Variants in PPFIBP2 observed in about 807,000 individuals in gnomAD.
PPFIBP2 encodes liprin-beta-2.
Under a neutral mutation model 118.3 loss-of-function variants are expected in PPFIBP2, and 118 were observed. The ratio of observed to expected loss-of-function variants is 1.00; its 90% CI spans 0.86 to 1.16. The LOEUF (loss-of-function observed/expected upper bound fraction) is 1.16. PPFIBP2 is among the 50% of genes most tolerant of loss of function. The pLI is 0.00. For synonymous variants in PPFIBP2, 414 were observed against 397.4 expected, an observed-to-expected ratio of 1.04 and a Z score of -0.50; for missense variants, 1,195 against 1,073.1, an observed-to-expected ratio of 1.11 and a Z score of -1.59.
At chr11:7,526,894 C>T (rs1407066065) in intron 1 of PPFIBP2, among the ~76,000 whole-genome samples, 1 of 152,026 alleles carries the variant, frequency 6.6e-6, no homozygotes, top group Non-Finnish European at 1.5e-5. Flanking sequence ...TTGCTGATGC[C>T]TACCTTGGCC....
At chr11:7,551,294 G>A (rs140406152) in intron 2 of PPFIBP2, among the ~76,000 whole-genome samples, 15 of 152,278 alleles carry the variant, frequency 9.9e-5, no homozygotes, top group Admixed American at 8.5e-4. Flanking sequence ...CAGCCAAAGA[G>A]CAAAGGGGAG....
chr11:7,578,020 G>C (rs144058578), intron 3 of PPFIBP2, among the ~76,000 whole-genome samples: 1 of 152,176 alleles, frequency 6.6e-6, no homozygotes, highest in Admixed American at 6.5e-5. Context: ...CATTGGATTC[G>C]GAAGTTGTTT....
chr11:7,612,630 T>A (rs539196895), intron 6 of PPFIBP2, among the ~76,000 whole-genome samples: 1 of 152,218 alleles, frequency 6.6e-6, no homozygotes, highest in Admixed American at 6.5e-5. Flanking sequence ...TTTTCATCAG[T>A]CTGTTCATAC....
At chr11:7,556,324 G>T (rs547817164) in intron 2 of PPFIBP2, among the ~76,000 whole-genome samples, 2 of 152,048 alleles carry the variant, frequency 1.3e-5, no homozygotes, top group Non-Finnish European at 2.9e-5. Context: ...GTGTGGTGGC[G>T]GGCACTTGTA....
intron 2 of PPFIBP2, among the ~76,000 whole-genome samples, chr11:7,560,990 G>A (rs1472553735): frequency 6.6e-6 from 1 of 152,134 alleles, no homozygotes; most frequent in Non-Finnish European, 1.5e-5. Context: ...GTGGCTTGGG[G>A]ACTTTTTCTT....
chr11:7,642,184 A>C (rs1423684147), intron 16 of PPFIBP2, 114 bp from the exon 17 acceptor site: 3 of 1,237,298 alleles, frequency 2.4e-6, no homozygotes, highest in Non-Finnish European at 3.4e-6. Flanking sequence ...ACGGAGAAGC[A>C]GTGCTGCCGA....
chr11:7,573,807 A>T (rs573672992), intron 3 of PPFIBP2: 1 of 152,346 alleles, frequency 6.6e-6, no homozygotes, highest in East Asian at 1.9e-4. Flanking sequence ...GGCAGCTGCC[A>T]CCTATGGCCC....
intron 3 of PPFIBP2, chr11:7,577,463 A>C (rs947500028): frequency 8.5e-5 from 36 of 425,210 alleles, no homozygotes; most frequent in African/African-American, 7.3e-4. Context: ...GAAGTGGGGA[A>C]ATTTGAACAC....
In PPFIBP2 at chr11:7,620,933, A is replaced by T. The variant is rs369413255; in HGVS notation, c.619-2A>T. 6.3e-6 allele frequency: 10 copies of T among 1,597,456 alleles called. No individual in the cohort carries two copies. The highest frequency in any genetic ancestry group is 8.6e-6 in the Non-Finnish European group (10 of 1,164,844). Reference sequence around the variant, plus strand: ...ACTTTGTCTTTCTCCCTCATCCCCTAGGAGTTACTGCAAGAGCTCAGGCAC... The same window carrying T: ...ACTTTGTCTTTCTCCCTCATCCCCTTGGAGTTACTGCAAGAGCTCAGGCAC... On this transcript the variant is annotated splice_acceptor_variant, in intron 6 of 23. Coordinates refer to ENST00000299492, the MANE Select transcript of PPFIBP2 (RefSeq NM_003621.5). LOFTEE classifies it high-confidence loss of function.
intron 17 of PPFIBP2, among the ~76,000 whole-genome samples, chr11:7,644,838 T>C (rs1271646915): frequency 1.3e-5 from 2 of 151,260 alleles, no homozygotes; most frequent in Non-Finnish European, 2.9e-5. Flanking sequence ...CCATCCCGGC[T>C]AAAACGGTGA....
chr11:7,664,013 C>T, the PPFIBP2 span, among the ~76,000 whole-genome samples: 48 of 151,972 alleles, frequency 3.2e-4, no homozygotes, highest in East Asian at 1.8e-3. Flanking sequence ...GGCTCGCACA[C>T]GGTGCGCGCA....
downstream of PPFIBP2, chr11:7,653,899 G>A (rs117967393): frequency 3.1e-3 from 2,687 of 856,874 alleles, 7 homozygotes; most frequent in Non-Finnish European, 4.0e-3. Flanking sequence ...GATTCACCAG[G>A]GGGGTAGAGC....
downstream of PPFIBP2, among the ~76,000 whole-genome samples, chr11:7,658,020 T>A (rs1258547167): frequency 6.6e-6 from 1 of 152,244 alleles, no homozygotes; most frequent in African/African-American, 2.4e-5. Context: ...GATACAGGCA[T>A]GAATGCCAAG....
At chr11:7,647,774 T>A (rs1322272214) in intron 17 of PPFIBP2, among the ~76,000 whole-genome samples, 1 of 152,208 alleles carries the variant, frequency 6.6e-6, no homozygotes, top group African/African-American at 2.4e-5. Flanking sequence ...TAGCTATACT[T>A]CTTGTTCTTA....
intron 17 of PPFIBP2, among the ~76,000 whole-genome samples, chr11:7,645,004 GC>G (rs1852803642): frequency 1.7e-5 from 2 of 119,220 alleles, no homozygotes; most frequent in Non-Finnish European, 3.2e-5. Context: ...TCCAGCCTGG[GC>G]GACAGAGCAA....
intron 6 of PPFIBP2, among the ~76,000 whole-genome samples, chr11:7,618,415 G>A (rs1165515302): frequency 6.6e-6 from 1 of 152,202 alleles, no homozygotes; most frequent in Non-Finnish European, 1.5e-5. Flanking sequence ...GATGATTTCT[G>A]TATACCCACA....
At chr11:7,665,615 C>T in the PPFIBP2 span, 3 of 1,475,998 alleles carry the variant, frequency 2.0e-6, no homozygotes, top group African/African-American at 1.4e-5. Flanking sequence ...AGGCCGCCTG[C>T]ACACCCACCC....
At chr11:7,535,861 C>T (rs7112082) in intron 1 of PPFIBP2, among the ~76,000 whole-genome samples, 66,399 of 151,854 alleles carry the variant, frequency 0.44, 14,898 homozygotes, top group African/African-American at 0.51. Flanking sequence ...ACCACAGAGA[C>T]CTGGTGGCTC....
chr11:7,589,650 CT>C (rs1221424320), intron 3 of PPFIBP2, among the ~76,000 whole-genome samples: 6 of 152,026 alleles, frequency 3.9e-5, no homozygotes, highest in Non-Finnish European at 8.8e-5. Flanking sequence ...ACGTAGCATC[CT>C]TCAGAATTTG....
Sources: allele counts gnomAD v4.1 joint callset (sites outside exome capture counted in the v4.1 genomes callset), GRCh38; gene constraint gnomAD v4.1.1; transcripts MANE v1.5; gene names NCBI Gene and HGNC (gene_info 2026-07-23, HGNC 2026-07-21).